Variants in ELMO1 observed in about 807,000 individuals in gnomAD.
The protein encoded by ELMO1 is engulfment and cell motility protein 1.
Under a neutral mutation model 98.9 loss-of-function variants are expected in ELMO1, and 26 were observed. That is an observed-to-expected ratio of 0.26 (90% confidence interval 0.19 to 0.36). The LOEUF (loss-of-function observed/expected upper bound fraction) is 0.36, where lower values mean the gene tolerates loss of function less well. Among genes scored for constraint, ELMO1 ranks in the 10% least tolerant of loss-of-function variants. ELMO1 has a pLI of 1.00. For synonymous variants in ELMO1, 346 were observed against 346.0 expected (o/e 1.00, Z 0.00); for missense variants, 627 against 935.2 (o/e 0.67, Z 4.30).
At chr7:36,927,180 G>A (rs1381965087) in intron 16 of ELMO1, among the ~76,000 whole-genome samples, 1 of 152,074 alleles carries the variant, frequency 6.6e-6, no homozygotes, top group Non-Finnish European at 1.5e-5. Flanking sequence ...GAAAACCGAG[G>A]CAACTTGCCT....
In ELMO1 at chr7:37,315,007, C is replaced by T; in HGVS notation, c.120-85G>A. Reference sequence around the variant, plus strand: ...ATTTTTTAGTGTTGGATGAACTAAGCACCCTGTGATTGGAATTGGACCAAT... The same window carrying T: ...ATTTTTTAGTGTTGGATGAACTAAGTACCCTGTGATTGGAATTGGACCAAT... On this transcript the variant is annotated intron_variant, in intron 3 of 21. Transcript: ENST00000310758. The T allele has an allele frequency of 2.4e-6, 3 of 1,231,364 alleles. No homozygotes were observed. The South Asian group carries it at 3.9e-5, about 16-fold the overall frequency. 76.3% of individuals were successfully genotyped at this position (1,231,364 alleles called of 1,614,324 possible). A position where few individuals can be genotyped will look rare whatever the true frequency, so the allele number is the denominator to read the frequency against.
At position 37,259,258 on chromosome 7, in the gene ELMO1, C is replaced by A. The variant is rs1795856543; in HGVS notation, c.336G>T (p.Arg112=). Residue 112 remains arginine, a synonymous_variant, in exon 6 of 22, where the codon CGG becomes CGT. Transcript: ENST00000310758. ...EALKDLASLS[R]DVTFAQEFIN... ...TAAACTCCTGGGCAAACGTGACATCCCGGGAGAGGCTGGCCAAGTCCTTCA... is the reference window on the plus strand; with the variant it reads ...TAAACTCCTGGGCAAACGTGACATCACGGGAGAGGCTGGCCAAGTCCTTCA... 6.2e-7 allele frequency: 1 copy of A among 1,613,992 alleles called. No individual in the cohort carries two copies. Among genetic ancestry groups the A allele is most frequent in the Admixed American group, 1.7e-5 (1 of 59,990 alleles).
intron 13 of ELMO1, among the ~76,000 whole-genome samples, chr7:37,195,837 C>A (rs1791932386): frequency 6.6e-6 from 1 of 152,170 alleles, no homozygotes; most frequent in Non-Finnish European, 1.5e-5. Flanking sequence ...GGGAAGGCTG[C>A]AGTGGGAATG....
intron 15 of ELMO1, among the ~76,000 whole-genome samples, chr7:37,080,578 C>A (rs1584612969): frequency 1.3e-5 from 2 of 149,538 alleles, no homozygotes; most frequent in South Asian, 4.2e-4. Context: ...GCTGGGACTA[C>A]AGGCGCCTGC....
intron 6 of ELMO1, among the ~76,000 whole-genome samples, chr7:37,252,414 A>G (rs1186498567): frequency 6.6e-6 from 1 of 152,222 alleles, no homozygotes. Context: ...ACAAGACCTC[A>G]GAAATAATGC....
chr7:37,254,686 T>C (rs534931814), intron 6 of ELMO1, among the ~76,000 whole-genome samples: 5 of 152,214 alleles, frequency 3.3e-5, no homozygotes, highest in Non-Finnish European at 5.9e-5. Flanking sequence ...CACAACTGTA[T>C]AGGGCAGCTC....
At chr7:37,214,155 C>T (rs753269612) in intron 11 of ELMO1, among the ~76,000 whole-genome samples, 4 of 152,200 alleles carry the variant, frequency 2.6e-5, no homozygotes, top group Non-Finnish European at 5.9e-5. Context: ...CTCACCCCTG[C>T]CCAGAAATGG....
rs372665266 is a variant in ELMO1, at chr7:37,301,227, T to C, written c.192+13623A>G. ...ATGGAGCAAAATAAGAATGAAGTCA[T>C]GGAGAGAAGGAAAGGAAGGAAAAAC... is the stretch of plus-strand genomic sequence containing the variant. On this transcript the variant is annotated intron_variant, in intron 4 of 21. Coordinates refer to ENST00000310758, the MANE Select transcript of ELMO1 (RefSeq NM_014800.11). 4.0e-5 allele frequency among the ~76,000 whole-genome samples: 6 copies of C among 148,980 alleles called. No individual in the cohort carries two copies. In the South Asian group the frequency reaches 1.3e-3, roughly 31 times the overall value.
chr7:37,233,723 C>CTT (rs34529692), intron 7 of ELMO1, among the ~76,000 whole-genome samples: 1 of 151,976 alleles, frequency 6.6e-6, no homozygotes, highest in Non-Finnish European at 1.5e-5. Context: ...AGAATTAGTA[C>CTT]TTTTTTTAAG....
chr7:36,966,452 G>C (rs114230415), intron 16 of ELMO1, among the ~76,000 whole-genome samples: 2 of 152,100 alleles, frequency 1.3e-5, no homozygotes, highest in South Asian at 4.1e-4. Context: ...GCTGTTTCAC[G>C]TGACAAGGTT....
chr7:37,152,395 G>A (rs1788423027), intron 13 of ELMO1, among the ~76,000 whole-genome samples: 1 of 151,980 alleles, frequency 6.6e-6, no homozygotes, highest in Admixed American at 6.5e-5. Flanking sequence ...ACCTGGGTGA[G>A]AGGTCTGGAT....
chr7:37,433,522 G>C (rs1805020033), intron 1 of ELMO1, among the ~76,000 whole-genome samples: 1 of 152,020 alleles, frequency 6.6e-6, no homozygotes, highest in Non-Finnish European at 1.5e-5. Flanking sequence ...CCACCAAACT[G>C]CCAGACACCT....
Position 37,259,241 on chromosome 7 carries a change from T to G in ELMO1, c.353A>C (p.Gln118Pro). The G allele has an allele frequency of 6.2e-7, 1 of 1,614,156 alleles. No individual in the cohort carries two copies. The highest frequency in any genetic ancestry group is 1.6e-4 in the Middle Eastern group (1 of 6,062). The change falls in exon 6 of 22, where the codon CAG becomes CCG. Residue 118 changes from glutamine to proline, a missense_variant. By Grantham distance (76) the Gln-to-Pro change is moderately conservative. Around this residue, in one of 3 missense-constraint regions of ELMO1, gnomAD observed 123 missense variants for 171.2 expected, o/e 0.72. Transcript: ENST00000310758. Reference sequence around the variant, plus strand: ...GATACCGTCCAGGTTTATAAACTCCTGGGCAAACGTGACATCCCGGGAGAG... The same window carrying G: ...GATACCGTCCAGGTTTATAAACTCCGGGGCAAACGTGACATCCCGGGAGAG... ...ASLSRDVTFA[Q>P]EFINLDGISL...
chr7:37,320,218 A>C (rs1204509726), intron 2 of ELMO1, among the ~76,000 whole-genome samples: 1 of 152,040 alleles, frequency 6.6e-6, no homozygotes, highest in African/African-American at 2.4e-5. Flanking sequence ...TGGAGGTTGC[A>C]GTGAGCTGAG....
At chr7:36,897,945 A>C (rs1806171487) in intron 16 of ELMO1, among the ~76,000 whole-genome samples, 1 of 152,232 alleles carries the variant, frequency 6.6e-6, no homozygotes, top group Non-Finnish European at 1.5e-5. Context: ...GTGGGTATAA[A>C]GCACAGGACA....
intron 15 of ELMO1, among the ~76,000 whole-genome samples, chr7:37,043,182 TA>T (rs1392230104): frequency 6.6e-6 from 1 of 152,070 alleles, no homozygotes; most frequent in African/African-American, 2.4e-5. Flanking sequence ...TACCACTAAA[TA>T]AAGAAACAAC....
chr7:37,341,667 C>G (rs553154444), intron 2 of ELMO1, among the ~76,000 whole-genome samples: 1 of 152,236 alleles, frequency 6.6e-6, no homozygotes, highest in African/African-American at 2.4e-5. Flanking sequence ...CCATATAACT[C>G]TCGCATTGAT....
chr7:37,352,288 T>C (rs1177281238), intron 1 of ELMO1, among the ~76,000 whole-genome samples: 4 of 152,190 alleles, frequency 2.6e-5, no homozygotes. Flanking sequence ...TTTTGTTTAA[T>C]AGAGATGAGG....
rs1347165384 is a variant in ELMO1, at chr7:37,155,848, C to T, written c.1087-22614G>A. 4.6e-5 allele frequency among the ~76,000 whole-genome samples: 7 copies of T among 152,110 alleles called. No homozygotes were observed. In the East Asian group the frequency reaches 7.7e-4, roughly 17 times the overall value. The stretch of plus-strand genomic sequence containing the variant: ...CCTAATAGACATTTACAGAACTCTC[C>T]GCCCCAAATTAAAAGAATATACATT... On this transcript the variant is annotated intron_variant, in intron 13 of 21. Transcript: ENST00000310758.
Sources: gnomAD v4.1 joint callset for allele counts (sites outside exome capture counted in the v4.1 genomes callset) on GRCh38, gnomAD v4.1.1 for gene constraint, gnomAD v4.1.1 regional missense constraint, MANE v1.5 for transcripts, NCBI Gene and HGNC (gene_info 2026-07-23, HGNC 2026-07-21) for gene names.